The following ERI3 variants were observed in gnomAD, a reference collection of about 807,000 sequenced individuals.
ERI3 encodes the protein ERI1 exoribonuclease 3.
Under a neutral mutation model 44.4 loss-of-function variants are expected in ERI3, and 18 were observed. That is an observed-to-expected ratio of 0.41 (90% CI 0.28 to 0.60). The LOEUF (loss-of-function observed/expected upper bound fraction) is 0.60. Ranked by LOEUF, ERI3 falls within the 20% of genes least tolerant of loss-of-function variation. The probability of loss-of-function intolerance (pLI) is 0.36; values close to 1 mark genes in which losing one functional copy is unlikely to be tolerated. For synonymous variants in ERI3, 183 were observed against 164.8 expected (o/e 1.11, Z -0.84); for missense variants, 294 against 435.5 (o/e 0.68, Z 2.89).
At chr1:44,278,524 T>A (rs1436489138) in intron 7 of ERI3, among the ~76,000 whole-genome samples, 1 of 151,938 alleles carries the variant, frequency 6.6e-6, no homozygotes, top group Non-Finnish European at 1.5e-5. Context: ...TTAGATTTTA[T>A]ACAATTAACA....
intron 7 of ERI3, among the ~76,000 whole-genome samples, chr1:44,254,982 C>T (rs1476921227): frequency 6.6e-6 from 1 of 152,020 alleles, no homozygotes; most frequent in Non-Finnish European, 1.5e-5. Context: ...ATTTCTATCA[C>T]TTTCACATAA....
chr1:44,308,551 G>A lies in ERI3; in HGVS notation c.667-150C>T, dbSNP rs1645888976. The A allele has an allele frequency of 9.8e-6, 7 of 714,216 alleles. No individual in the cohort carries two copies. The East Asian group carries it at 1.8e-4, about 18-fold the overall frequency. 44.2% of individuals were successfully genotyped at this position (714,216 alleles called of 1,614,324 possible). On this transcript the variant is annotated intron_variant, in intron 5 of 8. Coordinates refer to ENST00000372257, the MANE Select transcript of ERI3 (RefSeq NM_024066.3). ...GCCATGGCTCCACTGTGGGCTCTCA[G>A]GCTTGGCTCAGAACCACGGAGGCAT...
chr1:44,297,726 G>A (rs1330455500), intron 6 of ERI3, among the ~76,000 whole-genome samples: 1 of 152,188 alleles, frequency 6.6e-6, no homozygotes, highest in Non-Finnish European at 1.5e-5. Context: ...ACAAAGTAAT[G>A]TCTCCATTAC....
At chr1:44,245,151 C>T (rs1632275) in intron 8 of ERI3, among the ~76,000 whole-genome samples, 40,724 of 152,026 alleles carry the variant, frequency 0.27, 5,640 homozygotes, top group South Asian at 0.41. Flanking sequence ...TTAGCACGCA[C>T]AGTAACTCGG....
intron 6 of ERI3, among the ~76,000 whole-genome samples, chr1:44,295,094 G>A (rs1158444079): frequency 6.6e-6 from 1 of 152,178 alleles, no homozygotes; most frequent in East Asian, 1.9e-4. Context: ...TAAGACTTCT[G>A]GGCGGGCATT....
At chr1:44,330,925 C>T (rs1035083027) in intron 3 of ERI3, among the ~76,000 whole-genome samples, 2 of 152,100 alleles carry the variant, frequency 1.3e-5, no homozygotes, top group Non-Finnish European at 2.9e-5. Context: ...GATCAGTCTA[C>T]AAAAGAAATA....
intron 2 of ERI3, among the ~76,000 whole-genome samples, chr1:44,342,169 A>G (rs577931479): frequency 6.6e-6 from 1 of 152,316 alleles, no homozygotes; most frequent in African/African-American, 2.4e-5. Context: ...GGACACTGTC[A>G]GAGCCCAGGC....
chr1:44,294,680 AGT>A (rs1244435570), intron 6 of ERI3, among the ~76,000 whole-genome samples: 5 of 152,224 alleles, frequency 3.3e-5, no homozygotes. Context: ...CCCAGTAGGG[AGT>A]GGCTATGGAG....
chr1:44,353,345 T>C (rs931398355), intron 1 of ERI3: 7 of 985,380 alleles, frequency 7.1e-6, no homozygotes, highest in East Asian at 1.1e-4. Flanking sequence ...AATGGCCACA[T>C]AGACTAGGAA....
At chr1:44,333,526 G>A (rs990569678) in intron 3 of ERI3, among the ~76,000 whole-genome samples, 1 of 152,140 alleles carries the variant, frequency 6.6e-6, no homozygotes, top group African/African-American at 2.4e-5. Flanking sequence ...ACTTAGTCAC[G>A]GCAGGAACCA....
intron 7 of ERI3, among the ~76,000 whole-genome samples, chr1:44,267,833 C>T (rs1645018647): frequency 6.6e-6 from 1 of 152,216 alleles, no homozygotes; most frequent in African/African-American, 2.4e-5. Context: ...AAAAACACTC[C>T]CTAAGCCAGC....
At chr1:44,280,574 CAGGGGCTGGGGATGCTA>C (rs1557814791) in intron 7 of ERI3, among the ~76,000 whole-genome samples, 1 of 152,180 alleles carries the variant, frequency 6.6e-6, no homozygotes, top group Non-Finnish European at 1.5e-5. Flanking sequence ...ATTCAATCAA[CAGGGGCTGGGGATGCTA>C]CAAGTTCAGC....
At chr1:44,276,072 G>C (rs775878257) in intron 7 of ERI3, among the ~76,000 whole-genome samples, 9 of 152,204 alleles carry the variant, frequency 5.9e-5, no homozygotes, top group Non-Finnish European at 1.2e-4. Flanking sequence ...GACAGAGGGG[G>C]AAGTGCCAGG....
chr1:44,253,750 C>T (rs1644728290), intron 7 of ERI3, among the ~76,000 whole-genome samples: 1 of 152,116 alleles, frequency 6.6e-6, no homozygotes, highest in African/African-American at 2.4e-5. Flanking sequence ...CATGAGGAAG[C>T]CCAAACTAAC....
chr1:44,225,565 G>A (rs147252755), intron 8 of ERI3, among the ~76,000 whole-genome samples: 31 of 152,316 alleles, frequency 2.0e-4, no homozygotes, highest in African/African-American at 7.0e-4. Flanking sequence ...GAGGAGTGCA[G>A]CTGCATAAAT....
chr1:44,314,932 G>C (rs1255633986), intron 4 of ERI3, among the ~76,000 whole-genome samples: 1 of 152,212 alleles, frequency 6.6e-6, no homozygotes, highest in Non-Finnish European at 1.5e-5. Flanking sequence ...GCAGGCAGTT[G>C]CCCTGTTTTG....
At chr1:44,319,517 G>C in intron 4 of ERI3, 111 bp downstream of exon 4, 1 of 708,938 alleles carries the variant, frequency 1.4e-6, no homozygotes, top group East Asian at 2.5e-5. Flanking sequence ...GTGTGCACTT[G>C]CCTTAAGGAT....
intron 8 of ERI3, among the ~76,000 whole-genome samples, chr1:44,236,538 G>C (rs1388716459): frequency 6.6e-6 from 1 of 152,170 alleles, no homozygotes; most frequent in Non-Finnish European, 1.5e-5. Context: ...TGAGGGATGA[G>C]GAAGAGTTAA....
At chr1:44,272,307 T>A (rs1276974470) in intron 7 of ERI3, among the ~76,000 whole-genome samples, 1 of 152,144 alleles carries the variant, frequency 6.6e-6, no homozygotes, top group African/African-American at 2.4e-5. Flanking sequence ...AATCATCATT[T>A]ACAGGTTCAG....
Sources: allele counts gnomAD v4.1 joint callset (sites outside exome capture counted in the v4.1 genomes callset), GRCh38; gene constraint gnomAD v4.1.1; transcripts MANE v1.5; gene names NCBI Gene and HGNC (gene_info 2026-07-23, HGNC 2026-07-21).